Variants in PBX1 observed in about 807,000 individuals in gnomAD.
The protein encoded by PBX1 is pre-B-cell leukemia transcription factor 1.
Under a neutral mutation model 53.4 loss-of-function variants are expected in PBX1, and 6 were observed. That is an observed-to-expected ratio of 0.11 (90% CI 0.06 to 0.22). PBX1 has a LOEUF of 0.22. Ranked by LOEUF, PBX1 falls within the 10% of genes least tolerant of loss-of-function variation. The probability of loss-of-function intolerance (pLI) is 1.00; values close to 1 mark genes in which losing one functional copy is unlikely to be tolerated. For synonymous variants in PBX1, 204 were observed against 212.3 expected (o/e 0.96, Z 0.34); for missense variants, 251 against 551.4 (o/e 0.46, Z 5.46).
At chr1:164,774,158 A>G (rs1178696015) in intron 2 of PBX1, among the ~76,000 whole-genome samples, 1 of 152,154 alleles carries the variant, frequency 6.6e-6, no homozygotes, top group Non-Finnish European at 1.5e-5. Context: ...CAAATAAATG[A>G]CAGAATAAAA....
At chr1:164,872,161 A>C (rs1240444125) in intron 2 of PBX1, among the ~76,000 whole-genome samples, 1 of 152,166 alleles carries the variant, frequency 6.6e-6, no homozygotes, top group Non-Finnish European at 1.5e-5. Flanking sequence ...TCGGCTACAG[A>C]TTGAGCCCTG....
At chr1:164,757,678 A>T (rs554240074) in intron 2 of PBX1, among the ~76,000 whole-genome samples, 2 of 151,946 alleles carry the variant, frequency 1.3e-5, no homozygotes, top group Non-Finnish European at 2.9e-5. Context: ...TCTAAAATAC[A>T]TTTTTTTCAA....
chr1:164,618,310 G>GC (rs1657436998), intron 2 of PBX1, among the ~76,000 whole-genome samples: 1 of 140,590 alleles, frequency 7.1e-6, no homozygotes, highest in African/African-American at 2.7e-5. Context: ...GGGGGGGGGG[G>GC]CACTCAAGAT....
intron 2 of PBX1, among the ~76,000 whole-genome samples, chr1:164,728,658 A>G (rs1476445728): frequency 1.3e-5 from 2 of 152,360 alleles, no homozygotes; most frequent in East Asian, 1.9e-4. Flanking sequence ...AACATACTTC[A>G]TTCAACAGAA....
chr1:164,646,206 A>G (rs1438602033), intron 2 of PBX1, among the ~76,000 whole-genome samples: 1 of 152,226 alleles, frequency 6.6e-6, no homozygotes, highest in Admixed American at 6.5e-5. Flanking sequence ...TGAAGGGGAA[A>G]TTGATTCAGG....
chr1:164,864,859 A>G (rs1672180195), intron 2 of PBX1, among the ~76,000 whole-genome samples: 1 of 152,218 alleles, frequency 6.6e-6, no homozygotes, highest in African/African-American at 2.4e-5. Context: ...AAGGTGTCAC[A>G]CAACCTGCCT....
intron 2 of PBX1, among the ~76,000 whole-genome samples, chr1:164,753,219 G>T (rs770279109): frequency 6.6e-6 from 1 of 152,034 alleles, no homozygotes; most frequent in African/African-American, 2.4e-5. Context: ...TTGTTTCTTT[G>T]AATTATTTAA....
chr1:164,655,105 T>G (rs1660074261), intron 2 of PBX1, among the ~76,000 whole-genome samples: 1 of 150,232 alleles, frequency 6.7e-6, no homozygotes, highest in African/African-American at 2.5e-5. Flanking sequence ...TGTGTGTTTT[T>G]TTTTTTTTTT....
chr1:164,773,764 C>T (rs894970577), intron 2 of PBX1, among the ~76,000 whole-genome samples: 1 of 152,120 alleles, frequency 6.6e-6, no homozygotes, highest in African/African-American at 2.4e-5. Context: ...TCTGCTCTCT[C>T]CAAGTGTACT....
At chr1:164,712,783 C>T (rs1389560664) in intron 2 of PBX1, among the ~76,000 whole-genome samples, 2 of 152,096 alleles carry the variant, frequency 1.3e-5, no homozygotes, top group Non-Finnish European at 2.9e-5. Flanking sequence ...GTTGCCTGTT[C>T]CGTTCAGCGT....
intron 2 of PBX1, among the ~76,000 whole-genome samples, chr1:164,750,857 AG>A (rs1666173828): frequency 6.6e-6 from 1 of 152,196 alleles, no homozygotes; most frequent in African/African-American, 2.4e-5. Flanking sequence ...ATAGCGGTAG[AG>A]GCTGGGGAAG....
At chr1:164,667,052 G>A (rs10737503) in intron 2 of PBX1, among the ~76,000 whole-genome samples, 129,092 of 150,104 alleles carry the variant, frequency 0.86, 56,271 homozygotes, top group Non-Finnish European at 0.96. Flanking sequence ...CTGACATCGT[G>A]TCTGTCTTAG....
chr1:164,643,058 T>C (rs923102265), intron 2 of PBX1, among the ~76,000 whole-genome samples: 61 of 152,302 alleles, frequency 4.0e-4, no homozygotes, highest in African/African-American at 1.4e-3. Context: ...AATTTTGTTA[T>C]TAGAAACCTA....
At chr1:164,622,515 G>T (rs1008741984) in intron 2 of PBX1, among the ~76,000 whole-genome samples, 1 of 152,118 alleles carries the variant, frequency 6.6e-6, no homozygotes, top group African/African-American at 2.4e-5. Context: ...TAGCTCACTC[G>T]GACTGAGTGC....
chr1:164,865,822 A>G (rs1210228281), intron 2 of PBX1, among the ~76,000 whole-genome samples: 1 of 152,212 alleles, frequency 6.6e-6, no homozygotes, highest in Non-Finnish European at 1.5e-5. Flanking sequence ...AGGTGAAATG[A>G]CAGAAAGAAT....
At chr1:164,870,318 T>TTTCTTTCC in intron 2 of PBX1, among the ~76,000 whole-genome samples, 2 of 102,820 alleles carry the variant, frequency 1.9e-5, no homozygotes, top group Non-Finnish European at 4.0e-5. Context: ...TCTTTCTTTC[T>TTTCTTTCC]TTCTTTCTTT....
intron 2 of PBX1, among the ~76,000 whole-genome samples, chr1:164,761,994 A>C (rs1269077776): frequency 3.9e-5 from 6 of 152,184 alleles, no homozygotes; most frequent in Non-Finnish European, 8.8e-5. Context: ...ATTGTATTAG[A>C]TTACATGGGC....
intron 2 of PBX1, among the ~76,000 whole-genome samples, chr1:164,591,976 G>A (rs1396200878): frequency 6.6e-6 from 1 of 152,150 alleles, no homozygotes; most frequent in Non-Finnish European, 1.5e-5. Context: ...CTCCCCTGTG[G>A]CACTTTTGGC....
intron 2 of PBX1, among the ~76,000 whole-genome samples, chr1:164,766,014 G>A (rs988122884): frequency 6.6e-6 from 1 of 152,136 alleles, no homozygotes; most frequent in African/African-American, 2.4e-5. Flanking sequence ...GGTAAAATAT[G>A]GTCCCTGCCC....
Sources: gnomAD v4.1 joint callset for allele counts (sites outside exome capture counted in the v4.1 genomes callset) on GRCh38, gnomAD v4.1.1 for gene constraint, MANE v1.5 for transcripts, NCBI Gene and HGNC (gene_info 2026-07-23, HGNC 2026-07-21) for gene names.